SMOC2: variants seen among roughly 807,000 people sequenced by gnomAD.
SMOC2 encodes SPARC-related modular calcium-binding protein 2.
In SMOC2, 39 loss-of-function variants were observed where a neutral mutation model predicts 61.4. That is an observed-to-expected ratio of 0.64 (90% CI 0.49 to 0.83). The LOEUF (loss-of-function observed/expected upper bound fraction) is 0.83, where lower values mean the gene tolerates loss of function less well. SMOC2 is among the 40% of genes least tolerant of loss of function. SMOC2 has a pLI of 0.00. For synonymous variants in SMOC2, 247 were observed against 239.9 expected, an observed-to-expected ratio of 1.03 and a Z score of -0.27; for missense variants, 556 against 592.9, an observed-to-expected ratio of 0.94 and a Z score of 0.65.
intron 12 of SMOC2, among the ~76,000 whole-genome samples, chr6:168,665,823 T>G (rs1583199452): frequency 6.6e-6 from 1 of 152,228 alleles, no homozygotes; most frequent in East Asian, 1.9e-4. Context: ...ATTTAATTAT[T>G]TGAAATAATA....
At chr6:168,462,996 A>G (rs1781748853) in intron 1 of SMOC2, among the ~76,000 whole-genome samples, 1 of 152,198 alleles carries the variant, frequency 6.6e-6, no homozygotes, top group African/African-American at 2.4e-5. Flanking sequence ...AAACTCTCCC[A>G]ATAGGAAGGC....
chr6:168,624,605 C>G (rs1033565215), intron 9 of SMOC2, among the ~76,000 whole-genome samples: 5 of 111,260 alleles, frequency 4.5e-5, no homozygotes, highest in Non-Finnish European at 7.7e-5. Flanking sequence ...CAGATGTGCA[C>G]AGACACACAG....
chr6:168,540,614 G>A (rs547442198), intron 4 of SMOC2, among the ~76,000 whole-genome samples: 2 of 152,252 alleles, frequency 1.3e-5, no homozygotes, highest in South Asian at 4.1e-4. Flanking sequence ...TCTCCCTGCA[G>A]CGCCACATCC....
At chr6:168,592,355 T>C (rs1463538395) in intron 7 of SMOC2, among the ~76,000 whole-genome samples, 4 of 124,966 alleles carry the variant, frequency 3.2e-5, no homozygotes, top group Admixed American at 8.3e-5. Flanking sequence ...TCCTCCTCCT[T>C]CCTGAGGCCT....
At chr6:168,538,425 G>C (rs1363392873) in intron 4 of SMOC2, among the ~76,000 whole-genome samples, 3 of 82,288 alleles carry the variant, frequency 3.6e-5, no homozygotes, top group East Asian at 4.5e-4. Context: ...TGGGGTGACC[G>C]CTGCTGGAAT....
Position 168,545,326 on chromosome 6 carries a change from C to A in SMOC2, c.511+1654C>A, listed in dbSNP as rs184202415. Among the ~76,000 whole-genome samples, 44 of 152,190 alleles carry A rather than the reference C, an allele frequency of 2.9e-4. 1 individual carries two copies. Among genetic ancestry groups the A allele is most frequent in the African/African-American group, 1.0e-3 (42 of 41,540 alleles). ...TGAGTTAAGGAAAGAACACACCCCCCACTTTAGGCCGGAATACGCAGAGGG... is the reference window on the plus strand; with the variant it reads ...TGAGTTAAGGAAAGAACACACCCCCAACTTTAGGCCGGAATACGCAGAGGG... On this transcript the variant is annotated intron_variant, in intron 5 of 12. Coordinates refer to ENST00000356284, the MANE Select transcript of SMOC2 (RefSeq NM_001166412.2).
chr6:168,536,200 A>G (rs953703767), intron 4 of SMOC2, among the ~76,000 whole-genome samples: 3 of 149,682 alleles, frequency 2.0e-5, no homozygotes, highest in Non-Finnish European at 4.4e-5. Flanking sequence ...CTCCAGAGGA[A>G]CACAGGCCCA....
Position 168,655,292 on chromosome 6 carries a change from G to A in SMOC2, c.1285+2064G>A, listed in dbSNP as rs140076158. ...TAAACGTTAGGCCAGTTCACAAGCC[G>A]TAAAATCATTGCTGTGGCCCAGACC... On this transcript the variant is annotated intron_variant, in intron 11 of 12. Transcript: ENST00000356284. 5.0e-4 allele frequency: 208 copies of A among 417,056 alleles called. 1 individual carries two copies. Among genetic ancestry groups the A allele is most frequent in the African/African-American group, 4.0e-3 (197 of 48,992 alleles). The allele number at this position is 417,056 out of a possible 1,614,324, so 25.8% of individuals were successfully genotyped here. A position where few individuals can be genotyped will look rare whatever the true frequency, so the allele number is the denominator to read the frequency against.
At chr6:168,661,303 T>C (rs1373932950) in intron 11 of SMOC2, among the ~76,000 whole-genome samples, 1 of 152,212 alleles carries the variant, frequency 6.6e-6, no homozygotes, top group Non-Finnish European at 1.5e-5. Flanking sequence ...AACAATGCGC[T>C]TTTTATTCTA....
Position 168,666,660 on chromosome 6 carries a change from A to G in SMOC2, c.*222A>G. 1.7e-6 allele frequency: 1 copy of G among 585,544 alleles called. No homozygotes were observed. Among genetic ancestry groups the G allele is most frequent in the Non-Finnish European group, 3.1e-6 (1 of 325,508 alleles). 36.3% of individuals were successfully genotyped at this position (585,544 alleles called of 1,614,324 possible). A position where few individuals can be genotyped will look rare whatever the true frequency, so the allele number is the denominator to read the frequency against. Reference sequence around the variant, plus strand: ...CATACAATGTATGTGTCCTCTTTTGACCTTGGAAATCTGTATGTGGTGGAG... The same window carrying G: ...CATACAATGTATGTGTCCTCTTTTGGCCTTGGAAATCTGTATGTGGTGGAG... On this transcript the variant is annotated 3_prime_UTR_variant, in exon 13 of 13. Transcript: ENST00000356284.
intron 8 of SMOC2, among the ~76,000 whole-genome samples, chr6:168,601,780 A>C (rs375260922): frequency 6.4e-4 from 97 of 152,342 alleles, no homozygotes; most frequent in African/African-American, 2.2e-3. Flanking sequence ...CTGTGCCTGA[A>C]GAACCTGCCA....
chr6:168,578,614 A>C (rs987515840), intron 7 of SMOC2, among the ~76,000 whole-genome samples: 2 of 152,216 alleles, frequency 1.3e-5, no homozygotes, highest in Admixed American at 6.5e-5. Context: ...AAGAACAAGC[A>C]TGGCTTCGTT....
At position 168,450,277 on chromosome 6, in the gene SMOC2, C is replaced by T. The variant is rs148906246; in HGVS notation, c.84+8823C>T. On this transcript the variant is annotated intron_variant, in intron 1 of 12. Coordinates refer to ENST00000356284, the MANE Select transcript of SMOC2 (RefSeq NM_001166412.2). ...TGCTGTCATGCCAGTCACCATAGAG[C>T]GAAATTTGTTCTAAGGAGAATTCCT... Among the ~76,000 whole-genome samples the T allele has an allele frequency of 5.6e-3, 849 of 152,166 alleles. 18 individuals carry two copies. The highest frequency in any genetic ancestry group is 0.016 in the Admixed American group (245 of 15,290).
At chr6:168,640,638 A>G (rs1786872034) in intron 9 of SMOC2, among the ~76,000 whole-genome samples, 1 of 152,234 alleles carries the variant, frequency 6.6e-6, no homozygotes, top group African/African-American at 2.4e-5. Context: ...CTTATTTCTT[A>G]ACAATACATG....
intron 1 of SMOC2, among the ~76,000 whole-genome samples, chr6:168,445,505 A>G (rs138944528): frequency 6.6e-6 from 1 of 152,362 alleles, no homozygotes; most frequent in Admixed American, 6.5e-5. Flanking sequence ...GATTTTGCTG[A>G]AACAGCCAAA....
intron 9 of SMOC2, among the ~76,000 whole-genome samples, chr6:168,627,998 G>A (rs1326482476): frequency 3.9e-5 from 6 of 152,054 alleles, no homozygotes; most frequent in Non-Finnish European, 5.9e-5. Context: ...GTGACTGCCC[G>A]TTGAACCCTG....
intron 1 of SMOC2, among the ~76,000 whole-genome samples, chr6:168,474,151 G>A (rs976459746): frequency 2.6e-5 from 4 of 152,102 alleles, no homozygotes; most frequent in African/African-American, 4.8e-5. Flanking sequence ...TAGCACAGGT[G>A]GGGAGGAAAG....
chr6:168,616,767 C>A (rs930611786), intron 9 of SMOC2, among the ~76,000 whole-genome samples: 2 of 152,150 alleles, frequency 1.3e-5, no homozygotes, highest in Non-Finnish European at 2.9e-5. Context: ...CATATAATTG[C>A]CATCCCAGAG....
intron 1 of SMOC2, among the ~76,000 whole-genome samples, chr6:168,460,216 A>G (rs952945532): frequency 2.0e-5 from 3 of 152,170 alleles, no homozygotes; most frequent in Non-Finnish European, 2.9e-5. Flanking sequence ...AAACTCCTCA[A>G]ATGAAATCCC....
Sources: gnomAD v4.1 joint callset for allele counts (sites outside exome capture counted in the v4.1 genomes callset) on GRCh38, gnomAD v4.1.1 for gene constraint, MANE v1.5 for transcripts, NCBI Gene and HGNC (gene_info 2026-07-23, HGNC 2026-07-21) for gene names.